CLASP2: variants seen among roughly 807,000 people sequenced by gnomAD.
CLASP2 encodes the protein CLIP-associating protein 2.
In CLASP2, 47 loss-of-function variants were observed where a neutral mutation model predicts 194.4. That is an observed-to-expected ratio of 0.24 (90% CI 0.19 to 0.31). The LOEUF (loss-of-function observed/expected upper bound fraction) is 0.31, where lower values mean the gene tolerates loss of function less well. CLASP2 is among the 10% of genes least tolerant of loss of function. The probability of loss-of-function intolerance (pLI) is 1.00; values close to 1 mark genes in which losing one functional copy is unlikely to be tolerated. For missense variants in CLASP2, 1,445 were observed against 1,823.6 expected (o/e 0.79, Z 3.78); for synonymous variants, 619 against 633.5 (o/e 0.98, Z 0.34).
At chr3:33,717,269 T>G (rs1356629987) in intron 1 of CLASP2, among the ~76,000 whole-genome samples, 1 of 152,090 alleles carries the variant, frequency 6.6e-6, no homozygotes, top group South Asian at 2.1e-4. Context: ...GTGATCAACA[T>G]TGTGTCCTAG....
intron 22 of CLASP2, among the ~76,000 whole-genome samples, chr3:33,584,194 A>G (rs936296567): frequency 6.6e-6 from 1 of 152,140 alleles, no homozygotes; most frequent in Non-Finnish European, 1.5e-5. Context: ...AATATGTTAT[A>G]AAATTCCACA....
At chr3:33,609,273 C>T (rs1165485985) in intron 13 of CLASP2, among the ~76,000 whole-genome samples, 1 of 152,024 alleles carries the variant, frequency 6.6e-6, no homozygotes, top group Non-Finnish European at 1.5e-5. Flanking sequence ...CAGTGAGAAC[C>T]TGTCTCAAAA....
At chr3:33,620,329 T>C (rs1349121300) in intron 11 of CLASP2, among the ~76,000 whole-genome samples, 1 of 152,208 alleles carries the variant, frequency 6.6e-6, no homozygotes, top group Non-Finnish European at 1.5e-5. Flanking sequence ...CTCTTTCCAA[T>C]TGTGTACTTA....
chr3:33,670,577 T>G (rs938640936), intron 6 of CLASP2, among the ~76,000 whole-genome samples: 1 of 152,080 alleles, frequency 6.6e-6, no homozygotes, highest in Non-Finnish European at 1.5e-5. Flanking sequence ...AAAAGTGAGG[T>G]CACATGGCAA....
chr3:33,643,178 A>G (rs978434993), intron 8 of CLASP2, among the ~76,000 whole-genome samples: 2 of 151,922 alleles, frequency 1.3e-5, no homozygotes, highest in African/African-American at 2.4e-5. Context: ...TTTCTTCTAA[A>G]AAGATACCAA....
Position 33,498,692 on chromosome 3 carries a change from T to G in CLASP2, c.4460A>C (p.Lys1487Thr). Residue 1487 changes from lysine to threonine, a missense_variant, in exon 39 of 39, where the codon AAA becomes ACA. Lys to Thr is a moderately conservative substitution (Grantham distance 78). Coordinates refer to ENST00000682230, the MANE Select transcript of CLASP2 (RefSeq NM_001365631.1). ...SKMKLLNLYI[K>T]RAQTGSGGAD... is the part of the protein sequence containing the mutation. ...TCCTCCAGAACCTGTTTGTGCACGT[T>G]TGATGTAAAGATTCAGTAGCTTCAT... 6.2e-7 allele frequency: 1 copy of G among 1,613,260 alleles called. No individual in the cohort carries two copies. The highest frequency in any genetic ancestry group is 8.5e-7 in the Non-Finnish European group (1 of 1,179,394).
At chr3:33,554,181 C>T (rs28367250) in intron 29 of CLASP2, among the ~76,000 whole-genome samples, 2,709 of 146,144 alleles carry the variant, frequency 0.019, 84 homozygotes, top group African/African-American at 0.064. Context: ...GAACCGAGGT[C>T]ACACCACTGC....
Position 33,573,242 on chromosome 3 carries a change from C to T in CLASP2, c.2567G>A (p.Ser856Asn). Reference sequence around the variant, plus strand: ...CGTCTGCCTCATATATGTAGGAATACTACCATTTCGAGAACTATAGGAGCG... The same window carrying T: ...CGTCTGCCTCATATATGTAGGAATATTACCATTTCGAGAACTATAGGAGCG... ...SERSYSSRNG[S>N]IPTYMRQTED... The change falls in exon 25 of 39, where the codon AGT becomes AAT. Residue 856 changes from serine to asparagine, a missense_variant. Physicochemically the swap from Ser to Asn is conservative, Grantham distance 46. This residue lies in a region of CLASP2 where 732 missense variants were observed against 987.9 expected (regional missense o/e 0.74). Transcript: ENST00000682230. The T allele has an allele frequency of 6.2e-7, 1 of 1,613,912 alleles. No homozygotes were observed. Among genetic ancestry groups the T allele is most frequent in the South Asian group, 1.1e-5 (1 of 91,078 alleles).
At chr3:33,692,972 C>T (rs1444727809) in intron 2 of CLASP2, among the ~76,000 whole-genome samples, 1 of 151,974 alleles carries the variant, frequency 6.6e-6, no homozygotes, top group Non-Finnish European at 1.5e-5. Flanking sequence ...ATTCCTTCTA[C>T]AATAACATTT....
chr3:33,576,446 G>T, intron 23 of CLASP2, 171 bp from the exon 24 acceptor site: 1 of 545,712 alleles, frequency 1.8e-6, no homozygotes, highest in Non-Finnish European at 3.3e-6. Context: ...AAAATAAAAG[G>T]GTAAAGACAA....
At chr3:33,549,495 G>A (rs1386992618) in intron 30 of CLASP2, among the ~76,000 whole-genome samples, 1 of 152,080 alleles carries the variant, frequency 6.6e-6, no homozygotes, top group Non-Finnish European at 1.5e-5. Flanking sequence ...TCGGCCCACT[G>A]ACTATTTAAG....
intron 27 of CLASP2, among the ~76,000 whole-genome samples, chr3:33,565,305 T>C (rs1343545530): frequency 6.6e-6 from 1 of 151,934 alleles, no homozygotes; most frequent in Non-Finnish European, 1.5e-5. Flanking sequence ...CAGCCTTCTG[T>C]GTAGGTAGGA....
rs181030148 is a variant in CLASP2, at chr3:33,574,326, C to T, written c.2455-972G>A. The T allele has an allele frequency of 2.8e-4, 156 of 556,350 alleles. 3 individuals carry two copies. The East Asian group carries it at 4.1e-3, about 14-fold the overall frequency. 34.5% of individuals were successfully genotyped at this position (556,350 alleles called of 1,614,324 possible). A position where few individuals can be genotyped will look rare whatever the true frequency, so the allele number is the denominator to read the frequency against. ...GACATTATTCAAGCAGTATCTCTCT[C>T]GATAACCATATTTACAGAAAAATAG... On this transcript the variant is annotated intron_variant, in intron 24 of 38. Transcript: ENST00000682230.
intron 6 of CLASP2, among the ~76,000 whole-genome samples, chr3:33,668,579 C>T (rs2086604138): frequency 6.6e-6 from 1 of 152,180 alleles, no homozygotes; most frequent in African/African-American, 2.4e-5. Flanking sequence ...TTAATCTACG[C>T]TTTAACTTAC....
intron 18 of CLASP2, 124 bp downstream of exon 18, chr3:33,602,828 T>C: frequency 2.0e-6 from 2 of 1,023,238 alleles, no homozygotes; most frequent in Admixed American, 2.0e-5. Context: ...TATAGAATTA[T>C]ATTAAAACAT....
At chr3:33,646,753 T>C (rs982699243) in intron 7 of CLASP2, among the ~76,000 whole-genome samples, 7 of 152,144 alleles carry the variant, frequency 4.6e-5, no homozygotes, top group African/African-American at 1.7e-4. Context: ...ATACAAATCA[T>C]AAGTACACAG....
At chr3:33,641,420 T>A (rs1294752158) in intron 8 of CLASP2, among the ~76,000 whole-genome samples, 1 of 151,972 alleles carries the variant, frequency 6.6e-6, no homozygotes, top group Non-Finnish European at 1.5e-5. Flanking sequence ...GGTAACACTT[T>A]CGACACTTAC....
chr3:33,663,479 T>C lies in CLASP2; in HGVS notation c.681A>G (p.Gln227=), dbSNP rs2085639702. 3 of 1,612,656 alleles carry C rather than the reference T, an allele frequency of 1.9e-6. No homozygotes were observed. The highest frequency in any genetic ancestry group is 2.5e-6 in the Non-Finnish European group (3 of 1,179,190). Residue 227 remains glutamine (Q), a synonymous_variant, in exon 7 of 39, where the codon CAA becomes CAG. Coordinates refer to ENST00000682230, the MANE Select transcript of CLASP2 (RefSeq NM_001365631.1). ...CACTCAAAATCATACCGCCTGAACT[T>C]TGCACTTCATCAAATTTGGCAAATA... ...EMIFAKFDEV[Q]SSGGMILSVC...
intron 1 of CLASP2, among the ~76,000 whole-genome samples, chr3:33,706,790 T>A (rs577068635): frequency 6.6e-6 from 1 of 151,908 alleles, no homozygotes; most frequent in East Asian, 1.9e-4. Flanking sequence ...AGGGAGACCC[T>A]ATCTCTAGAA....
Sources: gnomAD v4.1 joint callset for allele counts (sites outside exome capture counted in the v4.1 genomes callset) on GRCh38, gnomAD v4.1.1 for gene constraint, gnomAD v4.1.1 regional missense constraint, MANE v1.5 for transcripts, NCBI Gene and HGNC (gene_info 2026-07-23, HGNC 2026-07-21) for gene names.